The following SLC49A4 variants were observed in gnomAD, a reference collection of about 807,000 sequenced individuals.
The protein encoded by SLC49A4 is solute carrier family 49 member 4, also known as disrupted in renal cancer protein 2.
A neutral mutation model predicts 50.6 loss-of-function variants in SLC49A4; 36 were observed. The observed-to-expected ratio is 0.71, with a 90% CI of 0.55 to 0.94. The LOEUF (loss-of-function observed/expected upper bound fraction) is 0.94. Among genes scored for constraint, SLC49A4 ranks in the 40% least tolerant of loss-of-function variants. SLC49A4 has a pLI of 0.00. For synonymous variants in SLC49A4, 248 were observed against 241.2 expected (o/e 1.03, Z -0.26); for missense variants, 503 against 605.7 (o/e 0.83, Z 1.78).
At chr3:122,840,341 A>C (rs1303790175) in intron 4 of SLC49A4, among the ~76,000 whole-genome samples, 1 of 152,254 alleles carries the variant, frequency 6.6e-6, no homozygotes, top group Non-Finnish European at 1.5e-5. Flanking sequence ...TATCCAATTC[A>C]TCCTTGTAAC....
intron 3 of SLC49A4, among the ~76,000 whole-genome samples, chr3:122,828,412 T>G (rs930996785): frequency 5.9e-5 from 9 of 152,098 alleles, no homozygotes; most frequent in African/African-American, 1.9e-4. Context: ...AGAACGATGG[T>G]TAAATACAGT....
At chr3:122,869,534 G>GCAGGTATTTCTT (rs1467941360) in intron 7 of SLC49A4, among the ~76,000 whole-genome samples, 124 of 152,272 alleles carry the variant, frequency 8.1e-4, no homozygotes, top group Middle Eastern at 6.8e-3. Context: ...TTTTGGATAA[G>GCAGGTATTTCTT]TGTTCTTTGT....
chr3:122,868,815 CA>C (rs1188735784), intron 7 of SLC49A4, among the ~76,000 whole-genome samples: 9 of 152,296 alleles, frequency 5.9e-5, no homozygotes, highest in African/African-American at 2.2e-4. Flanking sequence ...ATACAAGAAG[CA>C]AACACCAAGA....
chr3:122,847,658 A>T (rs945678540), intron 5 of SLC49A4, among the ~76,000 whole-genome samples: 33 of 151,938 alleles, frequency 2.2e-4, no homozygotes, highest in Admixed American at 1.1e-3. Flanking sequence ...TATACAATTT[A>T]AAAAAAAGTG....
intron 4 of SLC49A4, among the ~76,000 whole-genome samples, chr3:122,836,900 G>A (rs577311851): frequency 6.6e-6 from 1 of 152,246 alleles, no homozygotes; most frequent in East Asian, 1.9e-4. Context: ...AAAATCACAA[G>A]CATTCTTATA....
intron 4 of SLC49A4, among the ~76,000 whole-genome samples, chr3:122,833,721 T>TA (rs768900073): frequency 1.5e-3 from 226 of 152,286 alleles, no homozygotes; most frequent in Non-Finnish European, 2.6e-3. Flanking sequence ...TTATTTTTCT[T>TA]AAATAATTTT....
chr3:122,868,334 A>G (rs541722841), intron 7 of SLC49A4, among the ~76,000 whole-genome samples: 6 of 152,156 alleles, frequency 3.9e-5, no homozygotes, highest in South Asian at 2.1e-4. Flanking sequence ...TTTTTATTAG[A>G]AAAAAAACTG....
chr3:122,817,228 G>A (rs1483854992), intron 2 of SLC49A4, among the ~76,000 whole-genome samples: 1 of 152,200 alleles, frequency 6.6e-6, no homozygotes. Flanking sequence ...TGAGGAAGAA[G>A]AAGTCAGAGA....
chr3:122,810,580 A>AT (rs1196474710), intron 2 of SLC49A4, among the ~76,000 whole-genome samples: 2 of 152,180 alleles, frequency 1.3e-5, no homozygotes, highest in African/African-American at 4.8e-5. Flanking sequence ...TGCCATGTAT[A>AT]TTTTTAAATT....
chr3:122,810,637 C>CAA (rs949217292), intron 2 of SLC49A4, among the ~76,000 whole-genome samples: 10 of 152,172 alleles, frequency 6.6e-5, no homozygotes, highest in Non-Finnish European at 1.3e-4. Flanking sequence ...AGGTTTATTA[C>CAA]GTAGGTAAAC....
intron 4 of SLC49A4, among the ~76,000 whole-genome samples, chr3:122,840,532 A>G (rs912352892): frequency 1.3e-5 from 2 of 152,152 alleles, no homozygotes; most frequent in Non-Finnish European, 2.9e-5. Context: ...AAATGAGTAA[A>G]ATCAATTTTA....
chr3:122,826,113 G>A (rs982293889), intron 2 of SLC49A4, among the ~76,000 whole-genome samples: 4 of 152,184 alleles, frequency 2.6e-5, no homozygotes, highest in East Asian at 1.9e-4. Flanking sequence ...CTCATTTCAC[G>A]AGGGAAGAAA....
chr3:122,812,410 T>G (rs75218158), intron 2 of SLC49A4, among the ~76,000 whole-genome samples: 5,050 of 152,268 alleles, frequency 0.033, 114 homozygotes, highest in Middle Eastern at 0.088. Context: ...ATTGGTAGAT[T>G]TAAGAACTAA....
At chr3:122,823,863 G>C (rs561534175) in intron 2 of SLC49A4, among the ~76,000 whole-genome samples, 31 of 152,288 alleles carry the variant, frequency 2.0e-4, no homozygotes, top group African/African-American at 6.5e-4. Context: ...GTAGAAAATA[G>C]TGTCAGGCAA....
chr3:122,865,518 T>C (rs1189610444), intron 7 of SLC49A4, among the ~76,000 whole-genome samples: 4 of 152,236 alleles, frequency 2.6e-5, no homozygotes, highest in Non-Finnish European at 4.4e-5. Context: ...CTCAGTGATA[T>C]AGAAATGTAT....
At chr3:122,877,159 A>G (rs187669634) in intron 8 of SLC49A4, among the ~76,000 whole-genome samples, 1 of 152,308 alleles carries the variant, frequency 6.6e-6, no homozygotes, top group Admixed American at 6.5e-5. Flanking sequence ...GTCAAATTAG[A>G]TTTTTAAGCA....
intron 5 of SLC49A4, among the ~76,000 whole-genome samples, chr3:122,853,325 G>A (rs1936947969): frequency 1.3e-5 from 2 of 152,144 alleles, no homozygotes; most frequent in Non-Finnish European, 2.9e-5. Context: ...AATTTGTGGG[G>A]GACACCAACA....
intron 2 of SLC49A4, among the ~76,000 whole-genome samples, chr3:122,819,955 T>A (rs1283134780): frequency 2.0e-5 from 3 of 152,124 alleles, no homozygotes; most frequent in Admixed American, 2.0e-4. Flanking sequence ...TTTTATGTAT[T>A]CTAAATTACT....
At chr3:122,799,688 A>T (rs1329797710) in intron 1 of SLC49A4, among the ~76,000 whole-genome samples, 2 of 152,216 alleles carry the variant, frequency 1.3e-5, no homozygotes, top group Non-Finnish European at 2.9e-5. Context: ...GAGACAAGTT[A>T]GGCTAGTAGA....
Sources: gnomAD v4.1 joint callset for allele counts (sites outside exome capture counted in the v4.1 genomes callset) on GRCh38, gnomAD v4.1.1 for gene constraint, MANE v1.5 for transcripts, NCBI Gene and HGNC (gene_info 2026-07-23, HGNC 2026-07-21) for gene names.